The following CADPS2 variants were observed in gnomAD, a reference collection of about 807,000 sequenced individuals.
The protein encoded by CADPS2 is calcium dependent secretion activator 2.
CADPS2 carries 93 observed loss-of-function variants against 172.5 expected under a neutral mutation model. That is an observed-to-expected ratio of 0.54 (90% CI 0.46 to 0.64). CADPS2 has a LOEUF of 0.64. Among genes scored for constraint, CADPS2 ranks in the 30% least tolerant of loss-of-function variants. The pLI is 0.00. For synonymous variants in CADPS2, 546 were observed against 555.2 expected (o/e 0.98, Z 0.23); for missense variants, 1,420 against 1,565.9 (o/e 0.91, Z 1.57).
intron 17 of CADPS2, among the ~76,000 whole-genome samples, chr7:122,432,643 T>TAAAAAAAAAAAA (rs57311950): frequency 1.2e-4 from 13 of 108,394 alleles, no homozygotes; most frequent in East Asian, 2.6e-4. Flanking sequence ...TCTGTTAAAA[T>TAAAAAAAAAAAA]AAAAAAAAAA....
At chr7:122,686,842 G>A (rs1184820787) in intron 2 of CADPS2, among the ~76,000 whole-genome samples, 2 of 151,956 alleles carry the variant, frequency 1.3e-5, no homozygotes, top group African/African-American at 4.8e-5. Context: ...GTGTCACTAC[G>A]CCCGGCTAAC....
At chr7:122,884,231 A>T (rs934859422) in intron 1 of CADPS2, among the ~76,000 whole-genome samples, 2 of 152,218 alleles carry the variant, frequency 1.3e-5, no homozygotes, top group African/African-American at 4.8e-5. Context: ...GGATGATATG[A>T]ACTCATACCA....
chr7:122,655,046 C>T (rs961084445), intron 3 of CADPS2, among the ~76,000 whole-genome samples: 5 of 152,136 alleles, frequency 3.3e-5, no homozygotes, highest in Admixed American at 3.3e-4. Context: ...GAAGTGGAGC[C>T]TAAAGATGTG....
intron 1 of CADPS2, among the ~76,000 whole-genome samples, chr7:122,799,698 T>C (rs977999806): frequency 2.0e-5 from 3 of 151,894 alleles, no homozygotes; most frequent in Admixed American, 6.6e-5. Flanking sequence ...ATAATCTATG[T>C]GTCAAAAGGA....
Position 122,768,297 on chromosome 7 carries a change from C to G in CADPS2, c.340-31229G>C, listed in dbSNP as rs537731101. 1.2e-4 allele frequency among the ~76,000 whole-genome samples: 18 copies of G among 152,070 alleles called. 1 individual carries two copies. Among genetic ancestry groups the G allele is most frequent in the African/African-American group, 2.4e-4 (10 of 41,398 alleles). On this transcript the variant is annotated intron_variant, in intron 1 of 29. Coordinates refer to ENST00000449022, the MANE Select transcript of CADPS2 (RefSeq NM_017954.11). ...AGAATGGTAGTAAAAGTGAAGGTAA[C>G]GTATTTAGTTACCCACATCAGAAAT...
At chr7:122,456,243 C>A (rs1276088295) in intron 14 of CADPS2, among the ~76,000 whole-genome samples, 1 of 151,910 alleles carries the variant, frequency 6.6e-6, no homozygotes, top group African/African-American at 2.4e-5. Context: ...CCTGCTTTGA[C>A]ATTGATAAAG....
Position 122,813,683 on chromosome 7 carries a change from A to G in CADPS2, c.339+72316T>C, listed in dbSNP as rs1343054817. Among the ~76,000 whole-genome samples the G allele has an allele frequency of 4.6e-5, 7 of 152,242 alleles. No individual in the cohort carries two copies. In the East Asian group the frequency reaches 1.3e-3, roughly 29 times the overall value. On this transcript the variant is annotated intron_variant, in intron 1 of 29. Transcript: ENST00000449022. ...GACAATTTCATTGCATAAAAACCGC[A>G]TTATTCTAAGGAAAAGCCTTATCCC...
intron 7 of CADPS2, among the ~76,000 whole-genome samples, chr7:122,576,947 G>A (rs943850115): frequency 6.6e-6 from 1 of 151,970 alleles, no homozygotes; most frequent in East Asian, 1.9e-4. Flanking sequence ...TTTTAGTAGA[G>A]ATAAGGTTTC....
intron 19 of CADPS2, 146 bp downstream of exon 19, chr7:122,413,922 A>G: frequency 4.6e-6 from 3 of 649,666 alleles, no homozygotes; most frequent in Non-Finnish European, 7.8e-6. Flanking sequence ...AAAAATTAGC[A>G]CATTCAAAGA....
chr7:122,800,575 C>T (rs2139930646), intron 1 of CADPS2, among the ~76,000 whole-genome samples: 1 of 152,192 alleles, frequency 6.6e-6, no homozygotes, highest in South Asian at 2.1e-4. Flanking sequence ...CTGGGAACTA[C>T]ATTTTGAATA....
chr7:122,734,375 A>G (rs1395379645), intron 2 of CADPS2, among the ~76,000 whole-genome samples: 22 of 95,524 alleles, frequency 2.3e-4, no homozygotes, highest in African/African-American at 7.0e-4. Flanking sequence ...AAAAAAAAAA[A>G]AAAAAAAAAA....
chr7:122,714,977 C>T (rs1162176651), intron 2 of CADPS2, among the ~76,000 whole-genome samples: 1 of 152,104 alleles, frequency 6.6e-6, no homozygotes, highest in African/African-American at 2.4e-5. Context: ...GGATGAACCA[C>T]AGGAAGACAT....
chr7:122,790,150 A>C (rs1794970965), intron 1 of CADPS2, among the ~76,000 whole-genome samples: 1 of 151,450 alleles, frequency 6.6e-6, no homozygotes, highest in Non-Finnish European at 1.5e-5. Context: ...TCATCCCAGC[A>C]ATTTGGTAGG....
intron 1 of CADPS2, among the ~76,000 whole-genome samples, chr7:122,828,606 T>C (rs1805619996): frequency 6.6e-6 from 1 of 152,206 alleles, no homozygotes; most frequent in African/African-American, 2.4e-5. Context: ...TAGCCTATTG[T>C]ATGTACTCAT....
chr7:122,710,796 CCTTAT>C (rs1418929437), intron 2 of CADPS2, among the ~76,000 whole-genome samples: 1 of 152,026 alleles, frequency 6.6e-6, no homozygotes, highest in Admixed American at 6.6e-5. Flanking sequence ...TTTAATTTTG[CCTTAT>C]ATTATATATA....
intron 8 of CADPS2, among the ~76,000 whole-genome samples, chr7:122,541,756 CATATATTT>C (rs1195820605): frequency 3.5e-5 from 5 of 142,180 alleles, no homozygotes; most frequent in Admixed American, 7.2e-5. Context: ...TACATATATT[CATATATTT>C]ATATATTCAC....
chr7:122,435,042 T>C (rs1034349009), intron 17 of CADPS2, among the ~76,000 whole-genome samples: 4 of 152,178 alleles, frequency 2.6e-5, no homozygotes, highest in African/African-American at 9.6e-5. Flanking sequence ...TTTTTAGAGA[T>C]GAATGGCCTA....
At chr7:122,709,700 A>G (rs1478289004) in intron 2 of CADPS2, among the ~76,000 whole-genome samples, 2 of 152,180 alleles carry the variant, frequency 1.3e-5, no homozygotes, top group Non-Finnish European at 2.9e-5. Flanking sequence ...AATATGGCAT[A>G]TATACACCAT....
intron 8 of CADPS2, among the ~76,000 whole-genome samples, chr7:122,545,670 C>T (rs1442252257): frequency 6.6e-6 from 1 of 151,878 alleles, no homozygotes; most frequent in Non-Finnish European, 1.5e-5. Context: ...TTAGGGTTGG[C>T]AGAAGGAATA....
Sources: allele counts gnomAD v4.1 joint callset (sites outside exome capture counted in the v4.1 genomes callset), GRCh38; gene constraint gnomAD v4.1.1; transcripts MANE v1.5; gene names NCBI Gene and HGNC (gene_info 2026-07-23, HGNC 2026-07-21).